Variants in ODF2 observed in about 807,000 individuals in gnomAD.
ODF2 encodes the protein outer dense fiber of sperm tails 2.
Under a neutral mutation model 110.2 loss-of-function variants are expected in ODF2, and 47 were observed. That is an observed-to-expected ratio of 0.43 (90% CI 0.34 to 0.54). The LOEUF (loss-of-function observed/expected upper bound fraction) is 0.54, where lower values mean the gene tolerates loss of function less well. Ranked by LOEUF, ODF2 falls within the 20% of genes least tolerant of loss-of-function variation. The pLI is 0.03. For missense variants in ODF2, 812 were observed against 1,054.5 expected (o/e 0.77, Z 3.19); for synonymous variants, 352 against 397.7 (o/e 0.89, Z 1.37).
intron 8 of ODF2, among the ~76,000 whole-genome samples, chr9:128,479,827 C>G (rs1000329992): frequency 5.9e-5 from 9 of 151,984 alleles, no homozygotes; most frequent in Admixed American, 5.9e-4. Flanking sequence ...TTGCTAGGGG[C>G]AGGAGTGGGA....
At chr9:128,456,143 G>A, upstream of ODF2, 1 of 1,548,556 alleles carries the variant, frequency 6.5e-7, no homozygotes. Flanking sequence ...GCGGGGAGGA[G>A]CCGCTGCCAG....
chr9:128,499,613 T>G (rs1462016994), intron 20 of ODF2, among the ~76,000 whole-genome samples: 1 of 152,030 alleles, frequency 6.6e-6, no homozygotes, highest in Non-Finnish European at 1.5e-5. Flanking sequence ...TGTTTTGTTT[T>G]GTTTTGTTTT....
At chr9:128,466,765 C>T (rs2131609416) in intron 4 of ODF2, among the ~76,000 whole-genome samples, 1 of 148,994 alleles carries the variant, frequency 6.7e-6, no homozygotes, top group Non-Finnish European at 1.5e-5. Context: ...ATCACAAGGT[C>T]AGGAGATCGA....
At chr9:128,456,424 AC>A in intron 1 of ODF2, 169 bp downstream of exon 1, 1 of 1,479,502 alleles carries the variant, frequency 6.8e-7, no homozygotes, top group Non-Finnish European at 8.9e-7. Context: ...CGCCCCGCCC[AC>A]CGGCGCGGGG....
Position 128,498,503 on chromosome 9 carries a change from G to C in ODF2, c.2103G>C (p.Leu701=), listed in dbSNP as rs115088808. Residue 701 remains leucine (L), a synonymous_variant, in exon 19 of 21, where the codon CTG becomes CTC. Coordinates refer to ENST00000604420, the Ensembl canonical transcript of ODF2. ...CAATCCACCAGTCCCAGCTGCGGCT[G>C]GAGGAGAAAACACGGGAATGTGGGA... is the stretch of plus-strand genomic sequence containing the variant. 2,091 of 1,613,552 alleles carry C rather than the reference G, an allele frequency of 1.3e-3. 23 individuals carry two copies. In the African/African-American group the frequency reaches 0.023, roughly 18 times the overall value.
rs1405449840 is a variant in ODF2 at position 128,456,806 on chromosome 9, C to G, written c.-208-392C>G. ...CTCCCAGCCCGGCGTCTATCCTGCT[C>G]AGAACTCTGTTCGGTTTTCCCTCGC... On this transcript the variant is annotated intron_variant, in intron 1 of 20. Coordinates refer to ENST00000604420, the Ensembl canonical transcript of ODF2. 2.4e-6 allele frequency: 3 copies of G among 1,243,480 alleles called. No individual in the cohort carries two copies. In the African/African-American group the frequency reaches 4.8e-5, roughly 20 times the overall value. 77.0% of individuals were successfully genotyped at this position (1,243,480 alleles called of 1,614,324 possible).
intron 8 of ODF2, among the ~76,000 whole-genome samples, chr9:128,478,676 G>A (rs1841832061): frequency 6.6e-6 from 1 of 151,904 alleles, no homozygotes; most frequent in African/African-American, 2.4e-5. Flanking sequence ...TCATCCTGGA[G>A]TCCCATCTTC....
chr9:128,473,172 A>C, intron 7 of ODF2, 130 bp downstream of exon 7: 2 of 1,475,132 alleles, frequency 1.4e-6, no homozygotes, highest in Non-Finnish European at 1.8e-6. Flanking sequence ...GAGCACGCTT[A>C]ACTAGGCCCC....
chr9:128,455,258 A>C (rs1238586813), upstream of ODF2: 11 of 1,533,944 alleles, frequency 7.2e-6, no homozygotes, highest in African/African-American at 5.5e-5. Flanking sequence ...TAGAGAGTGC[A>C]GGAGGGTAGT....
chr9:128,459,039 C>G (rs1425343912), intron 2 of ODF2, among the ~76,000 whole-genome samples: 2 of 152,040 alleles, frequency 1.3e-5, no homozygotes, highest in Non-Finnish European at 2.9e-5. Context: ...GAGATGGGGT[C>G]TTGCCATGTT....
intron 18 of ODF2, chr9:128,497,446 A>ATATATATAT (rs1306199441): frequency 2.3e-5 from 1 of 42,584 alleles, no homozygotes; most frequent in African/African-American, 1.5e-4. Flanking sequence ...AAAAAAAAAA[A>ATATATATAT]ATATATATAT....
At chr9:128,469,112 C>A in intron 4 of ODF2, 71 bp from the exon 5 acceptor site, 1 of 1,464,004 alleles carries the variant, frequency 6.8e-7, no homozygotes, top group Non-Finnish European at 9.4e-7. Context: ...AGTAAATAAG[C>A]CTCCAGTGGT....
At chr9:128,456,370 C>A in intron 1 of ODF2, 115 bp downstream of exon 1, 2 of 1,429,832 alleles carry the variant, frequency 1.4e-6, no homozygotes, top group African/African-American at 1.5e-5. Flanking sequence ...CCTGGGTTCC[C>A]CGCCGCGTTG....
At chr9:128,487,289 A>G (rs1404852833) in intron 13 of ODF2, among the ~76,000 whole-genome samples, 2 of 152,040 alleles carry the variant, frequency 1.3e-5, no homozygotes, top group Non-Finnish European at 2.9e-5. Flanking sequence ...TGAATTGTAG[A>G]TGGTTTCTTG....
downstream of ODF2, chr9:128,500,689 C>CTT (rs546412200): frequency 5.5e-5 from 8 of 146,642 alleles, no homozygotes; most frequent in South Asian, 2.1e-4. Flanking sequence ...CCATCACTTG[C>CTT]TTTTTTTTTT....
chr9:128,476,423 G>A (rs941785507), intron 8 of ODF2, among the ~76,000 whole-genome samples: 5 of 152,024 alleles, frequency 3.3e-5, no homozygotes, highest in Non-Finnish European at 7.4e-5. Context: ...TAGTAGCTGG[G>A]ATTACAGGTG....
intron 14 of ODF2, among the ~76,000 whole-genome samples, chr9:128,488,584 C>A (rs1244209815): frequency 1.3e-5 from 2 of 152,306 alleles, no homozygotes; most frequent in Middle Eastern, 3.4e-3. Context: ...GTGTACTCAG[C>A]CTGCGCACAT....
intron 14 of ODF2, among the ~76,000 whole-genome samples, chr9:128,491,598 A>T (rs1014258029): frequency 3.3e-5 from 5 of 151,592 alleles, no homozygotes; most frequent in African/African-American, 1.2e-4. Context: ...TGGGAGGTGG[A>T]GGTTGCATTG....
At chr9:128,458,461 CAAAA>C (rs55782363) in intron 2 of ODF2, among the ~76,000 whole-genome samples, 7 of 72,872 alleles carry the variant, frequency 9.6e-5, no homozygotes, top group Admixed American at 1.5e-4. Flanking sequence ...GACTCTATCT[CAAAA>C]AAAAAAAAAA....
Sources: allele counts gnomAD v4.1 joint callset (sites outside exome capture counted in the v4.1 genomes callset), GRCh38; gene constraint gnomAD v4.1.1; transcripts MANE v1.5; gene names NCBI Gene and HGNC (gene_info 2026-07-23, HGNC 2026-07-21).